RUNX1T1: variants seen among roughly 807,000 people sequenced by gnomAD.
RUNX1T1 encodes RUNX1 partner transcriptional co-repressor 1.
A neutral mutation model predicts 62.8 loss-of-function variants in RUNX1T1; 4 were observed. The ratio of observed to expected loss-of-function variants is 0.06; its 90% CI spans 0.03 to 0.15. RUNX1T1 has a LOEUF of 0.15. Among genes scored for constraint, RUNX1T1 ranks in the 10% least tolerant of loss-of-function variants. The pLI is 1.00. For synonymous variants in RUNX1T1, 291 were observed against 286.0 expected (o/e 1.02, Z -0.18); for missense variants, 508 against 754.3 (o/e 0.67, Z 3.82).
chr8:92,057,685 CATTAAT>C (rs1831258192), intron 1 of RUNX1T1, among the ~76,000 whole-genome samples: 1 of 152,152 alleles, frequency 6.6e-6, no homozygotes, highest in Non-Finnish European at 1.5e-5. Flanking sequence ...AGTACATTTA[CATTAAT>C]ATTAATTAAT....
At chr8:91,989,889 G>T (rs1476441715) in intron 6 of RUNX1T1, among the ~76,000 whole-genome samples, 1 of 152,104 alleles carries the variant, frequency 6.6e-6, no homozygotes, top group Non-Finnish European at 1.5e-5. Context: ...TAGACAGACT[G>T]GCTATTAAGA....
At position 92,034,797 on chromosome 8, in the gene RUNX1T1, TACACACAC is replaced by T. The variant is rs200718439; in HGVS notation, c.8-17442_8-17435del. Among the ~76,000 whole-genome samples the T allele has an allele frequency of 2.1e-3, 199 of 96,844 alleles. 4 individuals are homozygous for T. Among genetic ancestry groups the T allele is most frequent in the East Asian group, 1.8e-3 (8 of 4,528 alleles). 63.5% of individuals were successfully genotyped at this position (96,844 alleles called of 152,430 possible). Reference sequence around the variant, plus strand: ...ATATACACATATATATATACATATATACACACACACACACACACACACACACACACACA... The same window carrying T: ...ATATACACATATATATATACATATATACACACACACACACACACACACACA... On this transcript the variant is annotated intron_variant, in intron 1 of 10. Transcript: ENST00000396218.
At chr8:91,974,285 A>G (rs1331695711) in intron 9 of RUNX1T1, among the ~76,000 whole-genome samples, 2 of 152,146 alleles carry the variant, frequency 1.3e-5, no homozygotes, top group Non-Finnish European at 2.9e-5. Flanking sequence ...CTTTGTACAT[A>G]GCTATTCAAG....
chr8:92,026,514 AG>A (rs1413509092), intron 1 of RUNX1T1, among the ~76,000 whole-genome samples: 1 of 152,244 alleles, frequency 6.6e-6, no homozygotes, highest in Non-Finnish European at 1.5e-5. Flanking sequence ...ATCTGTAGCT[AG>A]CATTACATTA....
intron 1 of RUNX1T1, among the ~76,000 whole-genome samples, chr8:92,060,549 ATATATGTGTGTGTGTG>A (rs1831795563): frequency 9.3e-6 from 1 of 107,044 alleles, no homozygotes; most frequent in East Asian, 2.1e-4. Flanking sequence ...ATATATATAT[ATATATGTGTGTGTGTG>A]TGTGTGTGTG....
At chr8:92,041,147 T>A (rs926270457) in intron 1 of RUNX1T1, among the ~76,000 whole-genome samples, 12 of 149,386 alleles carry the variant, frequency 8.0e-5, no homozygotes. Flanking sequence ...CATATTACCA[T>A]TTTCAGGTGA....
intron 1 of RUNX1T1, among the ~76,000 whole-genome samples, chr8:92,038,046 C>CTTTATTTATTTA (rs58091057): frequency 0.019 from 2,906 of 150,062 alleles, 74 homozygotes; most frequent in African/African-American, 0.056. Context: ...CAAAATTCTT[C>CTTTATTTATTTA]TTTATTTATT....
chr8:91,972,833 T>C (rs1374683164), intron 9 of RUNX1T1, among the ~76,000 whole-genome samples: 2 of 152,080 alleles, frequency 1.3e-5, no homozygotes, highest in African/African-American at 2.4e-5. Flanking sequence ...GCAAACATTC[T>C]CTGATCATGT....
chr8:92,000,772 C>T (rs966646254), intron 5 of RUNX1T1, among the ~76,000 whole-genome samples: 1 of 152,010 alleles, frequency 6.6e-6, no homozygotes, highest in African/African-American at 2.4e-5. Flanking sequence ...GCTCTTCTGT[C>T]GTTAAAAATA....
chr8:92,010,536 A>T (rs1821720895), intron 4 of RUNX1T1: 1 of 152,524 alleles, frequency 6.6e-6, no homozygotes, highest in African/African-American at 2.4e-5. Context: ...CCCACACCTC[A>T]ATCAGTCCTC....
intron 1 of RUNX1T1, chr8:92,095,526 G>T: frequency 6.7e-7 from 1 of 1,495,968 alleles, no homozygotes. Flanking sequence ...CGTGCATCAG[G>T]GTGATTACAA....
chr8:92,049,687 T>C (rs1587315304), intron 1 of RUNX1T1, among the ~76,000 whole-genome samples: 1 of 152,182 alleles, frequency 6.6e-6, no homozygotes, highest in South Asian at 2.1e-4. Context: ...AAATAACTTA[T>C]CCAACCTATA....
At chr8:92,062,380 T>C (rs1331300758) in intron 1 of RUNX1T1, among the ~76,000 whole-genome samples, 1 of 152,232 alleles carries the variant, frequency 6.6e-6, no homozygotes, top group Non-Finnish European at 1.5e-5. Flanking sequence ...AAGATCTTTG[T>C]GGTTCTCTTT....
At chr8:92,077,960 C>T (rs2130792937) in intron 1 of RUNX1T1, among the ~76,000 whole-genome samples, 1 of 152,216 alleles carries the variant, frequency 6.6e-6, no homozygotes, top group East Asian at 1.9e-4. Flanking sequence ...TACTGCTTTA[C>T]TTTTTAACTT....
At chr8:92,097,607 A>T (rs112511592) in intron 1 of RUNX1T1, among the ~76,000 whole-genome samples, 3,528 of 152,300 alleles carry the variant, frequency 0.023, 132 homozygotes, top group African/African-American at 0.077. Context: ...CTTTTAAGAA[A>T]TGCTATTTTT....
intron 1 of RUNX1T1, among the ~76,000 whole-genome samples, chr8:92,050,466 T>G (rs1267647367): frequency 6.6e-6 from 1 of 152,196 alleles, no homozygotes; most frequent in African/African-American, 2.4e-5. Flanking sequence ...AACTGAGCAC[T>G]GTGCTGGGTC....
At chr8:92,078,886 A>G in intron 1 of RUNX1T1, among the ~76,000 whole-genome samples, 1 of 152,232 alleles carries the variant, frequency 6.6e-6, no homozygotes, top group East Asian at 1.9e-4. Context: ...GAATGCAATA[A>G]CTTGAGAGAA....
At chr8:92,051,023 A>C (rs1457081705) in intron 1 of RUNX1T1, among the ~76,000 whole-genome samples, 2 of 152,128 alleles carry the variant, frequency 1.3e-5, no homozygotes, top group Non-Finnish European at 2.9e-5. Flanking sequence ...TTGACAATCT[A>C]ATCTAAATGA....
chr8:92,066,590 C>T (rs557033187), upstream of RUNX1T1, among the ~76,000 whole-genome samples: 1 of 152,270 alleles, frequency 6.6e-6, no homozygotes, highest in South Asian at 2.1e-4. Flanking sequence ...GATTTCCTAA[C>T]TTCTCATCAC....
Sources: allele counts gnomAD v4.1 joint callset (sites outside exome capture counted in the v4.1 genomes callset), GRCh38; gene constraint gnomAD v4.1.1; transcripts MANE v1.5; gene names NCBI Gene and HGNC (gene_info 2026-07-23, HGNC 2026-07-21).